The following TRHDE variants were observed in gnomAD, a reference collection of about 807,000 sequenced individuals.
TRHDE encodes the protein thyrotropin releasing hormone degrading enzyme, also known as thyrotropin-releasing hormone-degrading ectoenzyme.
Under a neutral mutation model 125.7 loss-of-function variants are expected in TRHDE, and 72 were observed. The observed-to-expected ratio is 0.57, with a 90% CI of 0.47 to 0.70. The LOEUF (loss-of-function observed/expected upper bound fraction) is 0.70. TRHDE is among the 30% of genes least tolerant of loss of function. The pLI is 0.00. For synonymous variants in TRHDE, 509 were observed against 509.1 expected, an observed-to-expected ratio of 1.00 and a Z score of 0.00; for missense variants, 1,110 against 1,327.1, an observed-to-expected ratio of 0.84 and a Z score of 2.54.
intron 2 of TRHDE, among the ~76,000 whole-genome samples, chr12:72,180,186 A>C (rs566148951): frequency 3.3e-5 from 5 of 152,034 alleles, no homozygotes; most frequent in African/African-American, 4.8e-5. Context: ...TTTTTAAAAA[A>C]AAGTTATGTT....
At chr12:72,378,376 A>G (rs142828964) in intron 3 of TRHDE, among the ~76,000 whole-genome samples, 469 of 152,322 alleles carry the variant, frequency 3.1e-3, no homozygotes, top group Non-Finnish European at 4.8e-3. Flanking sequence ...CCAAATAGCT[A>G]TAATTTGTTG....
At chr12:72,351,598 C>T (rs1410123300) in intron 2 of TRHDE, among the ~76,000 whole-genome samples, 4 of 151,896 alleles carry the variant, frequency 2.6e-5, no homozygotes, top group African/African-American at 9.7e-5. Flanking sequence ...AGTCCCTGAG[C>T]CTCTCTTTAT....
intron 6 of TRHDE, among the ~76,000 whole-genome samples, chr12:72,538,421 A>T (rs1868976271): frequency 1.3e-5 from 2 of 151,906 alleles, no homozygotes; most frequent in Non-Finnish European, 2.9e-5. Flanking sequence ...ATTTCAATGG[A>T]TATTTGTTGA....
chr12:72,155,344 C>T (rs570176465), intron 2 of TRHDE, among the ~76,000 whole-genome samples: 1 of 152,160 alleles, frequency 6.6e-6, no homozygotes, highest in African/African-American at 2.4e-5. Flanking sequence ...TTCGAACTTC[C>T]TTCTTTAGCT....
intron 6 of TRHDE, among the ~76,000 whole-genome samples, chr12:72,503,999 G>A (rs1292705328): frequency 6.6e-6 from 1 of 152,156 alleles, no homozygotes; most frequent in East Asian, 1.9e-4. Flanking sequence ...ATCACTCAAA[G>A]TAGAGGAGGA....
chr12:72,096,819 G>A (rs991872625), intron 1 of TRHDE, among the ~76,000 whole-genome samples: 6 of 152,172 alleles, frequency 3.9e-5, no homozygotes, highest in African/African-American at 1.2e-4. Flanking sequence ...TTGTCACAAA[G>A]ACCTAGTCTT....
intron 2 of TRHDE, among the ~76,000 whole-genome samples, chr12:72,130,747 C>CTAT (rs1230610254): frequency 1.3e-5 from 2 of 152,106 alleles, no homozygotes; most frequent in East Asian, 3.9e-4. Flanking sequence ...CAGGGTATGG[C>CTAT]TATTAAGTAC....
intron 3 of TRHDE, among the ~76,000 whole-genome samples, chr12:72,411,144 A>G (rs913857627): frequency 6.7e-6 from 1 of 149,002 alleles, no homozygotes; most frequent in Non-Finnish European, 1.5e-5. Flanking sequence ...CGGAGCTTGC[A>G]GTGAGCCGAG....
intron 3 of TRHDE, among the ~76,000 whole-genome samples, chr12:72,405,800 A>C (rs977972395): frequency 6.6e-6 from 1 of 152,234 alleles, no homozygotes; most frequent in Non-Finnish European, 1.5e-5. Flanking sequence ...GCAGTGTTAC[A>C]TATGTGAAAC....
rs150769089 is a variant in TRHDE, at chr12:72,669,737, G to C, written c.*6542G>C. The C allele has an allele frequency of 5.3e-5, 8 of 151,768 alleles. No homozygotes were observed. In the East Asian group the frequency reaches 1.6e-3, roughly 30 times the overall value. The allele number at this position is 151,768 out of a possible 1,614,324, so 9.4% of individuals were successfully genotyped here. A position where few individuals can be genotyped will look rare whatever the true frequency, so the allele number is the denominator to read the frequency against. ...CAAATCTCAAATGCAAAACATTTTT[G>C]AGTGAATTTTTCCTCAAATGTTGTA... On this transcript the variant is annotated 3_prime_UTR_variant, in exon 19 of 19. Coordinates refer to ENST00000261180, the MANE Select transcript of TRHDE (RefSeq NM_013381.3).
chr12:72,547,618 A>G (rs138424672), intron 7 of TRHDE, among the ~76,000 whole-genome samples: 265 of 151,946 alleles, frequency 1.7e-3, no homozygotes, highest in Middle Eastern at 0.017. Flanking sequence ...AGGTGGGCCA[A>G]TCCTCTTGGG....
chr12:72,539,093 A>T (rs1869014373), intron 6 of TRHDE, among the ~76,000 whole-genome samples: 1 of 151,738 alleles, frequency 6.6e-6, no homozygotes, highest in African/African-American at 2.4e-5. Flanking sequence ...AACTCATGGA[A>T]CCCTTATCCA....
intron 5 of TRHDE, among the ~76,000 whole-genome samples, chr12:72,492,421 T>C (rs1409804466): frequency 1.3e-5 from 2 of 151,972 alleles, no homozygotes; most frequent in African/African-American, 4.8e-5. Context: ...TTCAATGTTA[T>C]AGGAAATTTG....
At chr12:72,304,080 A>G (rs972426632) in intron 2 of TRHDE, among the ~76,000 whole-genome samples, 5 of 152,198 alleles carry the variant, frequency 3.3e-5, no homozygotes, top group Admixed American at 6.5e-5. Context: ...CGTGGATGTT[A>G]GGGCTAAAAT....
chr12:72,233,561 A>G lies in TRHDE; in HGVS notation n.279+127809A>G, dbSNP rs1305782924. Among the ~76,000 whole-genome samples, 3 of 152,212 alleles carry G rather than the reference A, an allele frequency of 2.0e-5. No individual in the cohort carries two copies. The East Asian group carries it at 5.8e-4, about 29-fold the overall frequency. ...AAATTTGTTTTCTAAGTTAAATGCA[A>G]TTCATAAAAGAAAGGAAGCACAGTG... On this transcript the variant is annotated intron_variant and non_coding_transcript_variant, in intron 2 of 4. Transcript: ENST00000548156.
At chr12:72,427,718 T>C (rs1874251257) in intron 3 of TRHDE, among the ~76,000 whole-genome samples, 1 of 152,136 alleles carries the variant, frequency 6.6e-6, no homozygotes, top group East Asian at 1.9e-4. Context: ...ATACTACCAA[T>C]AGAGCTCTGT....
chr12:72,107,192 G>A (rs1875208095), intron 2 of TRHDE, among the ~76,000 whole-genome samples: 1 of 151,946 alleles, frequency 6.6e-6, no homozygotes, highest in Admixed American at 6.6e-5. Flanking sequence ...TAAAAATTAG[G>A]CCAGGAGTAA....
intron 18 of TRHDE, among the ~76,000 whole-genome samples, chr12:72,660,093 T>G (rs1874858731): frequency 6.6e-6 from 1 of 152,124 alleles, no homozygotes; most frequent in Non-Finnish European, 1.5e-5. Context: ...GCAAGTCACA[T>G]GATCATGGGA....
chr12:72,414,149 A>C (rs1356073394), intron 3 of TRHDE, among the ~76,000 whole-genome samples: 1 of 152,130 alleles, frequency 6.6e-6, no homozygotes, highest in Admixed American at 6.6e-5. Context: ...AGCAGATTTG[A>C]GGATACATGC....
Sources: gnomAD v4.1 joint callset for allele counts (sites outside exome capture counted in the v4.1 genomes callset) on GRCh38, gnomAD v4.1.1 for gene constraint, MANE v1.5 for transcripts, NCBI Gene and HGNC (gene_info 2026-07-23, HGNC 2026-07-21) for gene names.